Variants in IQSEC1 observed in about 807,000 individuals in gnomAD.
The protein encoded by IQSEC1 is IQ motif and SEC7 domain-containing protein 1.
A neutral mutation model predicts 91.0 loss-of-function variants in IQSEC1; 31 were observed. The observed-to-expected ratio is 0.34, with a 90% CI of 0.26 to 0.46. IQSEC1 has a LOEUF of 0.46. IQSEC1 is among the 20% of genes least tolerant of loss of function. The pLI is 1.00. For synonymous variants in IQSEC1, 699 were observed against 662.6 expected, an observed-to-expected ratio of 1.05 and a Z score of -0.84; for missense variants, 1,388 against 1,575.6, an observed-to-expected ratio of 0.88 and a Z score of 2.02.
chr3:13,222,634 A>G (rs866718395), intron 1 of IQSEC1, among the ~76,000 whole-genome samples: 1 of 152,204 alleles, frequency 6.6e-6, no homozygotes, highest in South Asian at 2.1e-4. Context: ...CTCACCAACC[A>G]GAGAATGGCC....
chr3:12,974,265 A>AAGCCCTCCAAGC (rs1265040992), intron 1 of IQSEC1, among the ~76,000 whole-genome samples: 1 of 152,170 alleles, frequency 6.6e-6, no homozygotes, highest in African/African-American at 2.4e-5. Flanking sequence ...CTCCTCCAAG[A>AAGCCCTCCAAGC]AGCCCTCCAA....
intron 1 of IQSEC1, among the ~76,000 whole-genome samples, chr3:13,173,787 A>G (rs989234557): frequency 6.6e-6 from 1 of 152,210 alleles, no homozygotes; most frequent in Non-Finnish European, 1.5e-5. Flanking sequence ...TGGTTCTCTG[A>G]AAGTGTGGCC....
intron 1 of IQSEC1, among the ~76,000 whole-genome samples, chr3:13,241,944 G>A (rs1051359585): frequency 5.3e-5 from 8 of 152,256 alleles, no homozygotes; most frequent in East Asian, 1.9e-4. Context: ...TGTGATTGAC[G>A]CCAAGGAGCT....
intron 1 of IQSEC1, among the ~76,000 whole-genome samples, chr3:12,985,491 C>A (rs1269633630): frequency 7.2e-4 from 4 of 5,520 alleles, no homozygotes; most frequent in Non-Finnish European, 1.5e-3. Flanking sequence ...GCTTAACAAT[C>A]CCCCCCCCCC....
At chr3:13,230,500 T>C (rs1694823949) in intron 1 of IQSEC1, among the ~76,000 whole-genome samples, 1 of 152,236 alleles carries the variant, frequency 6.6e-6, no homozygotes, top group Admixed American at 6.5e-5. Flanking sequence ...GCTTTGAGCA[T>C]CCCCAAAACT....
In IQSEC1 at chr3:13,193,259, C is replaced by G. The variant is rs2125037901; in HGVS notation, c.273-29126G>C. ...CTCTGCCTGTGAGTGTGGAGTTCAA[C>G]AGATCCACAGCTTCAGCCCCACTGA... is the stretch of plus-strand genomic sequence containing the variant. On this transcript the variant is annotated intron_variant, in intron 1 of 15. Transcript: ENST00000648114. The surrounding 1 kb of genome is among the most constrained non-coding windows in gnomAD (Gnocchi z 4.2). 6.6e-6 allele frequency among the ~76,000 whole-genome samples: 1 copy of G among 152,350 alleles called. No individual in the cohort carries two copies. The highest frequency in any genetic ancestry group is 6.5e-5 in the Admixed American group (1 of 15,306).
At chr3:13,222,884 C>T (rs1694688346) in intron 1 of IQSEC1, among the ~76,000 whole-genome samples, 1 of 152,230 alleles carries the variant, frequency 6.6e-6, no homozygotes, top group African/African-American at 2.4e-5. Flanking sequence ...GGCTGGTCCC[C>T]CATGGCACAG....
At chr3:13,279,617 C>T (rs1695752030) in intron 1 of IQSEC1, among the ~76,000 whole-genome samples, 1 of 152,210 alleles carries the variant, frequency 6.6e-6, no homozygotes, top group African/African-American at 2.4e-5. Flanking sequence ...ATCCATCCAA[C>T]CCCCCTCGAG....
At position 13,008,433 on chromosome 3, in the gene IQSEC1, T is replaced by A. The variant is rs1223451155; in HGVS notation, c.23+64559A>T. ...AAACCCTCTGTCCTTTGAGCCTGAATCCCCAGGGGGCTGTTCATACTCCTC... is the reference window on the plus strand; with the variant it reads ...AAACCCTCTGTCCTTTGAGCCTGAAACCCCAGGGGGCTGTTCATACTCCTC... On this transcript the variant is annotated intron_variant, in intron 1 of 13. Coordinates refer to ENST00000613206, the MANE Select transcript of IQSEC1 (RefSeq NM_001134382.3). The surrounding 1 kb of genome is among the most constrained non-coding windows in gnomAD (Gnocchi z 4.1). Among the ~76,000 whole-genome samples the A allele has an allele frequency of 6.6e-6, 1 of 152,112 alleles. No homozygotes were observed. The highest frequency in any genetic ancestry group is 1.5e-5 in the Non-Finnish European group (1 of 68,020).
chr3:13,087,709 C>G (rs1174338227), intron 2 of IQSEC1, among the ~76,000 whole-genome samples: 2 of 152,198 alleles, frequency 1.3e-5, no homozygotes, highest in Non-Finnish European at 2.9e-5. Context: ...ATATCTGAGA[C>G]TGGGTAGTTA....
rs771258870 is a variant in IQSEC1, at chr3:12,909,331, G to C, written c.2520C>G (p.Thr840=). The change falls in exon 11 of 14, where the codon ACC becomes ACG. Residue 840 remains threonine (T), a synonymous_variant. Coordinates refer to ENST00000613206, the MANE Select transcript of IQSEC1 (RefSeq NM_001134382.3). The surrounding 1 kb of genome is among the most constrained non-coding windows in gnomAD (Gnocchi z 4.9). ...APNPQDRKKF[T]DDLRESIAEV... ...CCGCAATGGACTCCCGCAGGTCATCGGTGAATTTCTTCCGGTCTTGAGGGT... is the reference window on the plus strand; with the variant it reads ...CCGCAATGGACTCCCGCAGGTCATCCGTGAATTTCTTCCGGTCTTGAGGGT... 1 of 1,614,188 alleles carries C rather than the reference G, an allele frequency of 6.2e-7. No homozygotes were observed. The highest frequency in any genetic ancestry group is 1.3e-5 in the African/African-American group (1 of 75,042).
At chr3:13,269,525 T>C (rs1448013044) in intron 1 of IQSEC1, among the ~76,000 whole-genome samples, 2 of 152,196 alleles carry the variant, frequency 1.3e-5, no homozygotes, top group African/African-American at 4.8e-5. Context: ...GTCAGGTCCC[T>C]GCCCAAGAAG....
Position 12,967,289 on chromosome 3 carries a change from C to A in IQSEC1, c.24-25424G>T. On this transcript the variant is annotated intron_variant, in intron 1 of 13. Transcript: ENST00000613206. This position sits in a 1 kb window ranked among gnomAD's most constrained non-coding sequence, Gnocchi z 5.9. ...CTCTCGCACGCCGGGCGCCCGGTCC[C>A]GACGGTCACCCGCACTCCCGCACAG... 9.2e-7 allele frequency: 1 copy of A among 1,084,488 alleles called. No homozygotes were observed. The highest frequency in any genetic ancestry group is 1.6e-5 in the South Asian group (1 of 62,296). 67.2% of individuals were successfully genotyped at this position (1,084,488 alleles called of 1,614,324 possible). A position where few individuals can be genotyped will look rare whatever the true frequency, so the allele number is the denominator to read the frequency against.
intron 12 of IQSEC1, 125 bp from the exon 13 acceptor site, chr3:12,902,947 C>A: frequency 1.3e-6 from 1 of 744,024 alleles, no homozygotes; most frequent in Non-Finnish European, 2.4e-6. Flanking sequence ...GTGCCGGGCC[C>A]ACCTGCCCGC....
At chr3:13,238,552 A>C (rs1694970829) in intron 1 of IQSEC1, among the ~76,000 whole-genome samples, 1 of 152,170 alleles carries the variant, frequency 6.6e-6, no homozygotes, top group Non-Finnish European at 1.5e-5. Context: ...CCTTCCCAGT[A>C]GGAGCTCGAC....
intron 2 of IQSEC1, among the ~76,000 whole-genome samples, chr3:13,138,318 G>GA (rs11425681): frequency 0.27 from 40,467 of 151,470 alleles, 5,608 homozygotes; most frequent in South Asian, 0.45. Flanking sequence ...TCGGACCTGG[G>GA]GGATTGGAAG....
intron 1 of IQSEC1, among the ~76,000 whole-genome samples, chr3:13,204,338 A>G (rs1417590661): frequency 1.3e-5 from 2 of 152,270 alleles, no homozygotes; most frequent in African/African-American, 4.8e-5. Flanking sequence ...GATCCCAGCC[A>G]AGAGAGACGG....
intron 12 of IQSEC1, among the ~76,000 whole-genome samples, chr3:12,903,794 A>G (rs1251208063): frequency 6.6e-6 from 1 of 152,134 alleles, no homozygotes; most frequent in East Asian, 1.9e-4. Flanking sequence ...TCCCCACTTG[A>G]CACTCTAGAA....
intron 1 of IQSEC1, among the ~76,000 whole-genome samples, chr3:13,254,169 G>A (rs561115542): frequency 6.6e-6 from 1 of 152,352 alleles, no homozygotes; most frequent in South Asian, 2.1e-4. Flanking sequence ...TTTGTTTTCT[G>A]ATCCAGATGA....
Sources: gnomAD v4.1 joint callset for allele counts (sites outside exome capture counted in the v4.1 genomes callset) on GRCh38, gnomAD v4.1.1 for gene constraint, Gnocchi (gnomAD v3.1) non-coding constraint, MANE v1.5 for transcripts, NCBI Gene and HGNC (gene_info 2026-07-23, HGNC 2026-07-21) for gene names.